The following ZNF514 variants were observed in gnomAD, a reference collection of about 807,000 sequenced individuals.
The protein encoded by ZNF514 is zinc finger protein 514.
In ZNF514, 12 loss-of-function variants were observed where a neutral mutation model predicts 9.7. The observed-to-expected ratio is 1.24, with a 90% CI of 0.79 to 2.01. ZNF514 has a LOEUF of 2.01. Among genes scored for constraint, ZNF514 ranks in the 30% most tolerant of loss-of-function variants. The pLI is 0.00. For synonymous variants in ZNF514, 158 were observed against 163.7 expected (o/e 0.97, Z 0.27); for missense variants, 467 against 465.5 (o/e 1.00, Z -0.03).
At position 95,149,161 on chromosome 2, in the gene ZNF514, T is replaced by G; in HGVS notation, c.*121A>C. ...ATTCTCTTTAGTAATTATTGCCTGATGTGGAACAAGATGTGGTCTTCCCAC... is the reference window on the plus strand; with the variant it reads ...ATTCTCTTTAGTAATTATTGCCTGAGGTGGAACAAGATGTGGTCTTCCCAC... On this transcript the variant is annotated 3_prime_UTR_variant, in exon 5 of 5. Transcript: ENST00000295208. 10 of 1,244,404 alleles carry G rather than the reference T, an allele frequency of 8.0e-6. No individual in the cohort carries two copies. The highest frequency in any genetic ancestry group is 1.1e-5 in the Non-Finnish European group (10 of 908,620). The allele number at this position is 1,244,404 out of a possible 1,614,324, so 77.1% of individuals were successfully genotyped here. A position where few individuals can be genotyped will look rare whatever the true frequency, so the allele number is the denominator to read the frequency against.
chr2:95,158,487 G>A (rs1343400944), intron 1 of ZNF514, among the ~76,000 whole-genome samples: 1 of 152,184 alleles, frequency 6.6e-6, no homozygotes, highest in Non-Finnish European at 1.5e-5. Context: ...TGGGGGAAGG[G>A]GCTCAGAGGA....
chr2:95,149,638 T>C lies in ZNF514; in HGVS notation c.847A>G (p.Thr283Ala). The C allele has an allele frequency of 3.1e-6, 5 of 1,614,188 alleles. No individual in the cohort carries two copies. Among genetic ancestry groups the C allele is most frequent in the Non-Finnish European group, 3.4e-6 (4 of 1,180,036 alleles). ...TTACATTTGTAGGGTTTCTCTCCAG[T>C]GTGAAATCTATAGTGCAGAACAAGA... ...SSLVLHYRFH[T>A]GEKPYKCNEC... is the part of the protein sequence containing the mutation. Residue 283 changes from threonine (T) to alanine (A), a missense_variant, in exon 5 of 5, where the codon ACT becomes GCT. Thr to Ala is a moderately conservative substitution (Grantham distance 58). Coordinates refer to ENST00000295208, the MANE Select transcript of ZNF514 (RefSeq NM_032788.3).
downstream of ZNF514, among the ~76,000 whole-genome samples, chr2:95,141,435 A>C (rs1360834479): frequency 6.6e-6 from 1 of 152,160 alleles, no homozygotes; most frequent in Non-Finnish European, 1.5e-5. Flanking sequence ...GGGACGTATC[A>C]GTTCTCCCCC....
At position 95,150,149 on chromosome 2, in the gene ZNF514, C is replaced by G. The variant is rs1361896095; in HGVS notation, c.336G>C (p.Lys112Asn). The part of the protein sequence containing the change: ...KHIQDVLQFS[K>N]LKAACGCDGQ... ...CATCACAACCGCAGGCTGCTTTCAA[C>G]TTCGAGAACTGCAGCACATCTTGAA... Residue 112 changes from lysine (K) to asparagine (N), a missense_variant, in exon 5 of 5, where the codon AAG becomes AAC. By Grantham distance (94) the Lys-to-Asn change is moderately conservative. Coordinates refer to ENST00000295208, the MANE Select transcript of ZNF514 (RefSeq NM_032788.3). 15 of 1,610,650 alleles carry G rather than the reference C, an allele frequency of 9.3e-6. No individual in the cohort carries two copies. Among genetic ancestry groups the G allele is most frequent in the Non-Finnish European group, 9.3e-6 (11 of 1,179,938 alleles).
At chr2:95,150,904 C>T (rs1176103292) in intron 4 of ZNF514, among the ~76,000 whole-genome samples, 4 of 152,226 alleles carry the variant, frequency 2.6e-5, no homozygotes, top group African/African-American at 7.2e-5. Flanking sequence ...GGCTGCCTTC[C>T]TGTTTCCCAT....
the ZNF514 span, among the ~76,000 whole-genome samples, chr2:95,125,886 C>A: frequency 6.6e-6 from 1 of 152,138 alleles, no homozygotes; most frequent in South Asian, 2.1e-4. Context: ...TTGCTTTCAC[C>A]TTTTGGCTAT....
In ZNF514 at chr2:95,157,355, G is replaced by A; in HGVS notation, c.-11C>T. On this transcript the variant is annotated 5_prime_UTR_variant, in exon 2 of 5. Transcript: ENST00000295208. ...AAAATTAAGAATACAACTCACCCGA[G>A]GCCTGGCTTTCAGGAATGAATTGGT... 7.8e-7 allele frequency: 1 copy of A among 1,289,412 alleles called. No homozygotes were observed. The highest frequency in any genetic ancestry group is 1.0e-6 in the Non-Finnish European group (1 of 988,544). 79.9% of individuals were successfully genotyped at this position (1,289,412 alleles called of 1,614,324 possible).
At chr2:95,155,899 G>A (rs1409853160) in intron 2 of ZNF514, among the ~76,000 whole-genome samples, 1 of 152,204 alleles carries the variant, frequency 6.6e-6, no homozygotes. Context: ...TACAAGAAGA[G>A]CATATCCCAG....
At position 95,146,981 on chromosome 2, in the gene ZNF514, AG is replaced by A. The variant is rs1195193654; in HGVS notation, c.*2300del. ...GCCCTGGCCAACCTTGTGGACTCTT[AG>A]ACCCAGCCTGTCTGCATGGGCCCAC... On this transcript the variant is annotated 3_prime_UTR_variant, in exon 5 of 5. Coordinates refer to ENST00000295208, the MANE Select transcript of ZNF514 (RefSeq NM_032788.3). Among the ~76,000 whole-genome samples, 4 of 152,166 alleles carry A rather than the reference AG, an allele frequency of 2.6e-5. No individual in the cohort carries two copies. The highest frequency in any genetic ancestry group is 2.6e-4 in the Admixed American group (4 of 15,278).
the ZNF514 span, among the ~76,000 whole-genome samples, chr2:95,123,763 C>G: frequency 1.3e-5 from 2 of 152,172 alleles, no homozygotes; most frequent in Non-Finnish European, 2.9e-5. Context: ...ATACAACAGC[C>G]AGTTCATGAT....
At position 95,150,159 on chromosome 2, in the gene ZNF514, T is replaced by C; in HGVS notation, c.326A>G (p.Gln109Arg). 6.2e-7 allele frequency: 1 copy of C among 1,610,474 alleles called. No individual in the cohort carries two copies. Among genetic ancestry groups the C allele is most frequent in the East Asian group, 2.2e-5 (1 of 44,882 alleles). The change falls in exon 5 of 5, where the codon CAG becomes CGG. Residue 109 changes from glutamine to arginine, a missense_variant. Transcript: ENST00000295208. Reference protein sequence around the residue: ...SVEKHIQDVLQFSKLKAACGC... With the variant: ...SVEKHIQDVLRFSKLKAACGC... ...GCAGGCTGCTTTCAACTTCGAGAAC[T>C]GCAGCACATCTTGAATGTGTTTTTC...
Position 95,146,237 on chromosome 2 carries a change from T to A in ZNF514, c.*3045A>T, listed in dbSNP as rs548101248. Among the ~76,000 whole-genome samples, 73 of 152,306 alleles carry A rather than the reference T, an allele frequency of 4.8e-4. No homozygotes were observed. The highest frequency in any genetic ancestry group is 1.7e-3 in the African/African-American group (72 of 41,552). ...TCTGGTTCAGGAAACAAGAAAGTGG[T>A]AAAGTGATAAAAAATTATTTAAATA... On this transcript the variant is annotated 3_prime_UTR_variant, in exon 5 of 5. Transcript: ENST00000295208.
Position 95,149,721 on chromosome 2 carries a change from G to T in ZNF514, c.764C>A (p.Thr255Asn), listed in dbSNP as rs75604464. 6.2e-7 allele frequency: 1 copy of T among 1,614,250 alleles called. No individual in the cohort carries two copies. The highest frequency in any genetic ancestry group is 2.2e-5 in the East Asian group (1 of 44,886). Reference protein sequence around the residue: ...SSLIKHQRTHTGEKPYECSEC... With the variant: ...SSLIKHQRTHNGEKPYECSEC... ...ACTGCATTCATAGGGCTTTTCTCCA[G>T]TATGAGTTCTTTGATGTTTAATAAG... Residue 255 changes from threonine (T) to asparagine (N), a missense_variant, in exon 5 of 5, where the codon ACT (threonine) becomes AAT (asparagine). Physicochemically the swap from Thr to Asn is moderately conservative, Grantham distance 65. Coordinates refer to ENST00000295208, the MANE Select transcript of ZNF514 (RefSeq NM_032788.3).
chr2:95,140,720 A>C (rs1430247736), downstream of ZNF514, among the ~76,000 whole-genome samples: 1 of 152,010 alleles, frequency 6.6e-6, no homozygotes, highest in Non-Finnish European at 1.5e-5. Context: ...TCACGCCTGT[A>C]ATGCCAGCAC....
Position 95,148,766 on chromosome 2 carries a change from G to C in ZNF514, c.*516C>G, listed in dbSNP as rs1180336928. On this transcript the variant is annotated 3_prime_UTR_variant, in exon 5 of 5. Coordinates refer to ENST00000295208, the MANE Select transcript of ZNF514 (RefSeq NM_032788.3). ...GTATGAATTTTCTGATGCTTAATAA[G>C]GGATGAGCCCTGACTGAAGGCCTTC... 2.0e-5 allele frequency: 3 copies of C among 152,630 alleles called. No homozygotes were observed. Among genetic ancestry groups the C allele is most frequent in the Admixed American group, 1.3e-4 (2 of 15,304 alleles). 9.5% of individuals were successfully genotyped at this position (152,630 alleles called of 1,614,324 possible).
the ZNF514 span, among the ~76,000 whole-genome samples, chr2:95,139,309 C>T: frequency 6.6e-6 from 1 of 152,182 alleles, no homozygotes; most frequent in Non-Finnish European, 1.5e-5. Context: ...CTATTGCCCT[C>T]CAGATTCCAG....
intron 2 of ZNF514, chr2:95,155,375 T>C (rs1413880585): frequency 1.3e-5 from 2 of 152,226 alleles, no homozygotes; most frequent in Non-Finnish European, 2.9e-5. Context: ...GTCTGTCCAG[T>C]GGAATTTCAC....
intron 1 of ZNF514, chr2:95,158,996 G>A (rs1308264676): frequency 2.1e-5 from 27 of 1,282,914 alleles, no homozygotes; most frequent in Non-Finnish European, 2.7e-5. Context: ...CTGGGGCTAA[G>A]GAGCGGCGTC....
rs1012896519 is a variant in ZNF514, at chr2:95,146,963, C to G, written c.*2319G>C. Among the ~76,000 whole-genome samples, 6 of 152,172 alleles carry G rather than the reference C, an allele frequency of 3.9e-5. No homozygotes were observed. The highest frequency in any genetic ancestry group is 8.8e-5 in the Non-Finnish European group (6 of 68,030). ...CTCCTGTGCATCCTACCTGCCCTGGCCAACCTTGTGGACTCTTAGACCCAG... is the reference window on the plus strand; with the variant it reads ...CTCCTGTGCATCCTACCTGCCCTGGGCAACCTTGTGGACTCTTAGACCCAG... On this transcript the variant is annotated 3_prime_UTR_variant, in exon 5 of 5. Coordinates refer to ENST00000295208, the MANE Select transcript of ZNF514 (RefSeq NM_032788.3).
Sources: allele counts gnomAD v4.1 joint callset (sites outside exome capture counted in the v4.1 genomes callset), GRCh38; gene constraint gnomAD v4.1.1; transcripts MANE v1.5; gene names NCBI Gene and HGNC (gene_info 2026-07-23, HGNC 2026-07-21).